Variants in MYO16 observed in about 807,000 individuals in gnomAD.
The protein encoded by MYO16 is myosin XVI, also known as unconventional myosin-XVI.
In MYO16, 94 loss-of-function variants were observed where a neutral mutation model predicts 205.3. That is an observed-to-expected ratio of 0.46 (90% CI 0.39 to 0.54). MYO16 has a LOEUF of 0.54. Among genes scored for constraint, MYO16 ranks in the 20% least tolerant of loss-of-function variants. The pLI is 0.00. For synonymous variants in MYO16, 988 were observed against 954.0 expected (o/e 1.04, Z -0.66); for missense variants, 2,315 against 2,387.5 (o/e 0.97, Z 0.63).
At chr13:108,803,094 A>G (rs935942698) in intron 6 of MYO16, among the ~76,000 whole-genome samples, 4 of 152,198 alleles carry the variant, frequency 2.6e-5, no homozygotes, top group African/African-American at 4.8e-5. Flanking sequence ...TTAAAAATAA[A>G]TACAAAGTAA....
At chr13:109,135,210 C>T (rs534948084) in intron 31 of MYO16, among the ~76,000 whole-genome samples, 19 of 152,242 alleles carry the variant, frequency 1.2e-4, no homozygotes, top group African/African-American at 4.6e-4. Flanking sequence ...GGAGATCAGG[C>T]GACACACAGT....
intron 28 of MYO16, among the ~76,000 whole-genome samples, chr13:109,109,282 C>A (rs1889212083): frequency 6.6e-6 from 1 of 152,148 alleles, no homozygotes. Flanking sequence ...ACACGTTTTT[C>A]TTCTCAAGAA....
the MYO16 span, among the ~76,000 whole-genome samples, chr13:108,526,992 C>T: frequency 6.6e-6 from 1 of 152,118 alleles, no homozygotes; most frequent in South Asian, 2.1e-4. Context: ...TTTTCTTTCA[C>T]TAACAAATAA....
the MYO16 span, among the ~76,000 whole-genome samples, chr13:108,535,511 T>C: frequency 2.0e-5 from 3 of 152,194 alleles, no homozygotes; most frequent in African/African-American, 4.8e-5. Flanking sequence ...CTATTAACAC[T>C]ATTAAACACT....
chr13:108,816,747 C>T (rs1238463648), intron 7 of MYO16, among the ~76,000 whole-genome samples: 4 of 152,300 alleles, frequency 2.6e-5, no homozygotes, highest in South Asian at 2.1e-4. Flanking sequence ...GATGCCTGTC[C>T]GCTGAGCCAG....
chr13:109,092,673 A>G (rs1294609919), intron 27 of MYO16, among the ~76,000 whole-genome samples: 1 of 152,186 alleles, frequency 6.6e-6, no homozygotes, highest in Non-Finnish European at 1.5e-5. Context: ...ACCCCCTGAC[A>G]CATGTTTACC....
intron 4 of MYO16, among the ~76,000 whole-genome samples, chr13:108,736,506 C>T (rs1048881072): frequency 6.6e-6 from 1 of 152,130 alleles, no homozygotes; most frequent in African/African-American, 2.4e-5. Context: ...GTCTATATCT[C>T]TGTTTTGGTA....
At chr13:108,579,970 A>G in the MYO16 span, among the ~76,000 whole-genome samples, 2 of 152,212 alleles carry the variant, frequency 1.3e-5, no homozygotes, top group Admixed American at 1.3e-4. Context: ...TTTGAAATTC[A>G]TGATAATTTA....
At chr13:108,665,619 G>A (rs1302127416) in intron 1 of MYO16, among the ~76,000 whole-genome samples, 1 of 152,230 alleles carries the variant, frequency 6.6e-6, no homozygotes, top group African/African-American at 2.4e-5. Context: ...AACAGGAAGA[G>A]ATGGATGGTT....
rs751493497 is a variant in MYO16, at chr13:108,666,053, T to C, written c.196T>C (p.Phe66Leu). The change falls in exon 2 of 35, where the codon TTC becomes CTC. Residue 66 changes from phenylalanine (F) to leucine (L), a missense_variant. Transcript: ENST00000457511. ...REKAFQKQEG[F>L]LKRLKHAKNP... ...GAAGGCTTTTCAGAAGCAGGAAGGG[T>C]TCCTGAAAAGGCTGAAGCATGCGAA... 2.5e-6 allele frequency: 4 copies of C among 1,614,086 alleles called. No individual in the cohort carries two copies. In the Admixed American group the frequency reaches 5.0e-5, roughly 20 times the overall value.
intron 6 of MYO16, among the ~76,000 whole-genome samples, chr13:108,802,397 C>T (rs1049790940): frequency 1.3e-5 from 2 of 152,140 alleles, no homozygotes; most frequent in Admixed American, 1.3e-4. Context: ...CAGTTTCATC[C>T]ATGTTGTTGC....
At chr13:108,981,060 T>TA (rs1566444138) in intron 20 of MYO16, among the ~76,000 whole-genome samples, 1 of 152,342 alleles carries the variant, frequency 6.6e-6, no homozygotes, top group South Asian at 2.1e-4. Context: ...AAAATAGTGA[T>TA]AAAAAAGATT....
intron 31 of MYO16, among the ~76,000 whole-genome samples, chr13:109,130,033 T>C (rs1247328657): frequency 6.7e-6 from 1 of 148,914 alleles, no homozygotes; most frequent in African/African-American, 2.5e-5. Flanking sequence ...ATAGGAGATA[T>C]ATATACACAC....
At chr13:108,899,732 T>A (rs1223725533) in intron 15 of MYO16, among the ~76,000 whole-genome samples, 1 of 152,184 alleles carries the variant, frequency 6.6e-6, no homozygotes, top group Non-Finnish European at 1.5e-5. Context: ...TGGTGGGCTG[T>A]GGCGATGTTC....
chr13:108,728,984 T>C (rs1307365868), intron 4 of MYO16, among the ~76,000 whole-genome samples: 2 of 26,680 alleles, frequency 7.5e-5, no homozygotes, highest in Admixed American at 7.1e-4. Context: ...ATGTACACTT[T>C]CTTTTTTTTT....
At chr13:108,951,384 G>A (rs943472617) in intron 16 of MYO16, among the ~76,000 whole-genome samples, 1 of 152,154 alleles carries the variant, frequency 6.6e-6, no homozygotes, top group African/African-American at 2.4e-5. Context: ...CCTAGAGGCC[G>A]TGGAGAGCTG....
chr13:108,886,367 CAAG>C (rs1345181375), intron 13 of MYO16: 5 of 454,860 alleles, frequency 1.1e-5, no homozygotes, highest in African/African-American at 8.0e-5. Context: ...ATTCAAGTTT[CAAG>C]AAGGTGTTGA....
At chr13:108,521,728 T>C in the MYO16 span, among the ~76,000 whole-genome samples, 6,568 of 152,274 alleles carry the variant, frequency 0.043, 195 homozygotes, top group Non-Finnish European at 0.066. Flanking sequence ...TATAATGATC[T>C]GTTTTGTAAA....
intron 32 of MYO16, among the ~76,000 whole-genome samples, chr13:109,151,691 A>G (rs1877676961): frequency 1.3e-5 from 2 of 152,254 alleles, no homozygotes; most frequent in South Asian, 4.1e-4. Flanking sequence ...TCCCTGAAAA[A>G]TATGTATGTT....
Sources: allele counts gnomAD v4.1 joint callset (sites outside exome capture counted in the v4.1 genomes callset), GRCh38; gene constraint gnomAD v4.1.1; transcripts MANE v1.5; gene names NCBI Gene and HGNC (gene_info 2026-07-23, HGNC 2026-07-21).